The following RYR2 variants were observed in gnomAD, a reference collection of about 807,000 sequenced individuals.
RYR2 encodes the protein cardiac muscle ryanodine receptor-calcium release channel.
RYR2 carries 227 observed loss-of-function variants against 601.1 expected under a neutral mutation model. That is an observed-to-expected ratio of 0.38 (90% confidence interval 0.34 to 0.42). The LOEUF is 0.42. Among genes scored for constraint, RYR2 ranks in the 10% least tolerant of loss-of-function variants. The probability of loss-of-function intolerance (pLI) is 1.00; values close to 1 mark genes in which losing one functional copy is unlikely to be tolerated. For synonymous variants in RYR2, 2,223 were observed against 2,175.1 expected (o/e 1.02, Z -0.61); for missense variants, 4,646 against 6,156.5 (o/e 0.75, Z 8.21).
At chr1:237,081,305 AAAGT>A (rs886073387) in intron 1 of RYR2, among the ~76,000 whole-genome samples, 1 of 147,140 alleles carries the variant, frequency 6.8e-6, no homozygotes, top group African/African-American at 2.5e-5. Flanking sequence ...AAAAAAAAAG[AAAGT>A]CAACAAAGGT....
chr1:237,048,919 A>G (rs1053326242), intron 1 of RYR2, among the ~76,000 whole-genome samples: 2 of 152,184 alleles, frequency 1.3e-5, no homozygotes, highest in Non-Finnish European at 2.9e-5. Flanking sequence ...ATGCAGAAAG[A>G]AGGAACCTGC....
chr1:237,429,691 A>C (rs1553448640), intron 12 of RYR2, among the ~76,000 whole-genome samples: 3 of 152,204 alleles, frequency 2.0e-5, no homozygotes, highest in Non-Finnish European at 4.4e-5. Flanking sequence ...TCACATGGAA[A>C]TGGAAATGCA....
At chr1:237,454,973 C>A (rs1264838160) in intron 15 of RYR2, among the ~76,000 whole-genome samples, 2 of 151,952 alleles carry the variant, frequency 1.3e-5, no homozygotes, top group African/African-American at 4.8e-5. Context: ...TGGAAATGGC[C>A]CAGGATCTAT....
chr1:237,587,173 A>G (rs1674617799), intron 29 of RYR2, among the ~76,000 whole-genome samples: 1 of 152,170 alleles, frequency 6.6e-6, no homozygotes, highest in Admixed American at 6.5e-5. Context: ...GCTTCTTAAC[A>G]CATATTACCA....
chr1:237,148,353 G>A (rs189565199), intron 1 of RYR2, among the ~76,000 whole-genome samples: 1 of 151,714 alleles, frequency 6.6e-6, no homozygotes, highest in Non-Finnish European at 1.5e-5. Context: ...GGGGCCTGTC[G>A]GGAGGGCTGG....
At chr1:237,105,102 C>A (rs901400559) in intron 1 of RYR2, among the ~76,000 whole-genome samples, 1 of 152,210 alleles carries the variant, frequency 6.6e-6, no homozygotes, top group Non-Finnish European at 1.5e-5. Flanking sequence ...AGTCTCAGTG[C>A]CGGCAAACAC....
intron 3 of RYR2, among the ~76,000 whole-genome samples, chr1:237,345,707 C>T (rs1311094597): frequency 1.3e-5 from 2 of 151,936 alleles, no homozygotes; most frequent in Non-Finnish European, 2.9e-5. Flanking sequence ...TAAACTAATA[C>T]ACATTCCTAG....
intron 1 of RYR2, among the ~76,000 whole-genome samples, chr1:237,240,034 C>A (rs929057172): frequency 2.6e-5 from 4 of 152,172 alleles, no homozygotes; most frequent in Non-Finnish European, 4.4e-5. Flanking sequence ...TTAAAACTGC[C>A]ATTAGTGCTT....
At position 237,585,679 on chromosome 1, in the gene RYR2, G is replaced by A. The variant is rs532903162; in HGVS notation, c.3599-4114G>A. On this transcript the variant is annotated intron_variant, in intron 29 of 104. Coordinates refer to ENST00000366574, the MANE Select transcript of RYR2 (RefSeq NM_001035.3). ...ATTAAAACCATAATTTCAGAAGTAA[G>A]AATATGATTTGATTTTTCCTGTTAA... 5.3e-5 allele frequency among the ~76,000 whole-genome samples: 8 copies of A among 152,224 alleles called. No individual in the cohort carries two copies. In the South Asian group the frequency reaches 1.5e-3, roughly 28 times the overall value.
chr1:237,648,741 A>G, intron 49 of RYR2, 128 bp downstream of exon 49: 1 of 1,111,736 alleles, frequency 9.0e-7, no homozygotes. Flanking sequence ...TTATATTTTC[A>G]GGTAAGCCAT....
chr1:237,125,213 T>C (rs1379527637), intron 1 of RYR2, among the ~76,000 whole-genome samples: 1 of 152,128 alleles, frequency 6.6e-6, no homozygotes, highest in East Asian at 1.9e-4. Context: ...GCTTACTTGG[T>C]CACTGTGGAG....
chr1:237,669,735 G>T (rs1420814822), intron 58 of RYR2, among the ~76,000 whole-genome samples: 2 of 151,572 alleles, frequency 1.3e-5, no homozygotes, highest in Non-Finnish European at 2.9e-5. Flanking sequence ...TGTGATGGCG[G>T]CTGGGAAGAG....
At chr1:237,652,117 ATAT>A (rs1682820404) in intron 51 of RYR2, among the ~76,000 whole-genome samples, 1 of 152,228 alleles carries the variant, frequency 6.6e-6, no homozygotes. Context: ...CTGGCCTAAA[ATAT>A]TATTAGAAAC....
At position 237,073,267 on chromosome 1, in the gene RYR2, C is replaced by T. The variant is rs529343129; in HGVS notation, c.48+30698C>T. On this transcript the variant is annotated intron_variant, in intron 1 of 104. Transcript: ENST00000366574. ...CCCTGCTTTGGATGGGCCTCTCTCT[C>T]GAGCAGACAAGGAAGATCGTGCCAG... 3.3e-5 allele frequency among the ~76,000 whole-genome samples: 5 copies of T among 152,222 alleles called. No individual in the cohort carries two copies. The South Asian group carries it at 8.3e-4, about 25-fold the overall frequency.
intron 8 of RYR2, among the ~76,000 whole-genome samples, chr1:237,384,488 C>T (rs1701814559): frequency 6.6e-6 from 1 of 152,250 alleles, no homozygotes; most frequent in Admixed American, 6.5e-5. Context: ...AACACATTCC[C>T]CTTATCACAC....
At chr1:237,318,994 C>T (rs1695365608) in intron 2 of RYR2, among the ~76,000 whole-genome samples, 2 of 151,996 alleles carry the variant, frequency 1.3e-5, no homozygotes, top group Non-Finnish European at 2.9e-5. Context: ...AGGCTCTGTG[C>T]ATTTTTTTGT....
rs191346066 is a variant in RYR2 at position 237,326,680 on chromosome 1, A to C, written c.169-4198A>C. 1.5e-3 allele frequency among the ~76,000 whole-genome samples: 226 copies of C among 152,342 alleles called. 1 individual carries two copies. Among genetic ancestry groups the C allele is most frequent in the African/African-American group, 5.2e-3 (215 of 41,580 alleles). ...GGGCAAGGAACGTTCTTTCACATTG[A>C]AGTTCTAAAAATTAACTGTCTCAGT... On this transcript the variant is annotated intron_variant, in intron 2 of 104. Transcript: ENST00000366574.
intron 35 of RYR2, among the ~76,000 whole-genome samples, chr1:237,609,957 A>G (rs1273751453): frequency 6.6e-6 from 1 of 152,090 alleles, no homozygotes; most frequent in African/African-American, 2.4e-5. Context: ...CTATTGTTAG[A>G]GGGCAATAGG....
intron 26 of RYR2, among the ~76,000 whole-genome samples, chr1:237,549,628 CTTTTTTTTTTT>C (rs57579159): frequency 7.1e-4 from 55 of 77,708 alleles, no homozygotes; most frequent in African/African-American, 2.5e-3. Context: ...CCATAGCTTT[CTTTTTTTTTTT>C]TTTTTTTTTT....
Sources: gnomAD v4.1 joint callset for allele counts (sites outside exome capture counted in the v4.1 genomes callset) on GRCh38, gnomAD v4.1.1 for gene constraint, MANE v1.5 for transcripts, NCBI Gene and HGNC (gene_info 2026-07-23, HGNC 2026-07-21) for gene names.